The following KIAA0319 variants were observed in gnomAD, a reference collection of about 807,000 sequenced individuals.
KIAA0319 encodes the protein KIAA0319.
A neutral mutation model predicts 108.4 loss-of-function variants in KIAA0319; 83 were observed. That is an observed-to-expected ratio of 0.77 (90% confidence interval 0.64 to 0.92). The LOEUF is 0.92. KIAA0319 is among the 40% of genes least tolerant of loss of function. The pLI is 0.00. For synonymous variants in KIAA0319, 484 were observed against 510.4 expected (o/e 0.95, Z 0.70); for missense variants, 1,195 against 1,322.4 (o/e 0.90, Z 1.49).
intron 3 of KIAA0319, among the ~76,000 whole-genome samples, chr6:24,591,135 C>T: frequency 6.6e-6 from 1 of 152,156 alleles, no homozygotes; most frequent in East Asian, 1.9e-4. Context: ...TTTATTTTTC[C>T]TAGATACCCT....
chr6:24,629,738 G>A (rs1775269390), intron 1 of KIAA0319, among the ~76,000 whole-genome samples: 1 of 152,092 alleles, frequency 6.6e-6, no homozygotes, highest in African/African-American at 2.4e-5. Flanking sequence ...AATTTTTAAT[G>A]AAGGAGATTA....
chr6:24,587,805 G>A (rs1436406937), intron 4 of KIAA0319, among the ~76,000 whole-genome samples: 2 of 151,942 alleles, frequency 1.3e-5, no homozygotes, highest in South Asian at 2.1e-4. Context: ...GGCCAGGCTG[G>A]TCTTGAACTC....
rs534632526 is a variant in KIAA0319, at chr6:24,548,433, T to C, written c.3041-1090A>G. Among the ~76,000 whole-genome samples the C allele has an allele frequency of 1.2e-4, 19 of 152,308 alleles. No individual in the cohort carries two copies. The Middle Eastern group carries it at 0.01, about 82-fold the overall frequency. ...CCCACTGCAAATGACACGAACTTCC[T>C]GTGGCTCCATCCTCTTTCCCCAGTG... On this transcript the variant is annotated intron_variant, in intron 20 of 20. Transcript: ENST00000378214.
At chr6:24,618,064 A>G (rs1354892760) in intron 1 of KIAA0319, among the ~76,000 whole-genome samples, 2 of 152,148 alleles carry the variant, frequency 1.3e-5, no homozygotes, top group African/African-American at 4.8e-5. Context: ...ACCAGAAAAA[A>G]AATTTGGCCA....
chr6:24,638,544 A>C (rs867239600), intron 1 of KIAA0319, among the ~76,000 whole-genome samples: 1 of 152,138 alleles, frequency 6.6e-6, no homozygotes, highest in Admixed American at 6.6e-5. Context: ...GCAGATCACA[A>C]GGTCAGGAGA....
intron 1 of KIAA0319, among the ~76,000 whole-genome samples, chr6:24,630,702 T>C (rs867470842): frequency 5.1e-5 from 5 of 98,392 alleles, no homozygotes; most frequent in South Asian, 7.1e-4. Context: ...TATATATATA[T>C]ACACATATAC....
chr6:24,568,488 A>T (rs1247453532), intron 13 of KIAA0319, among the ~76,000 whole-genome samples: 3 of 152,260 alleles, frequency 2.0e-5, no homozygotes. Flanking sequence ...AAGGAAAAAA[A>T]GCATAATGGT....
chr6:24,592,642 G>A (rs995562735), intron 3 of KIAA0319, among the ~76,000 whole-genome samples: 4 of 152,136 alleles, frequency 2.6e-5, no homozygotes, highest in South Asian at 2.1e-4. Context: ...CAAATCTAAT[G>A]TACTTCAGAG....
intron 19 of KIAA0319, among the ~76,000 whole-genome samples, chr6:24,552,167 A>G (rs183582522): frequency 3.3e-5 from 5 of 152,356 alleles, no homozygotes; most frequent in African/African-American, 1.2e-4. Flanking sequence ...TTCTGGGAGC[A>G]TGATGATCAG....
chr6:24,563,401 G>A lies in KIAA0319; in HGVS notation c.2549C>T (p.Ser850Leu), dbSNP rs140038163. The A allele has an allele frequency of 7.8e-5, 126 of 1,613,516 alleles. No individual in the cohort carries two copies. The highest frequency in any genetic ancestry group is 9.7e-5 in the Non-Finnish European group (115 of 1,179,818). Residue 850 changes from serine to leucine, a missense_variant, in exon 16 of 21, where the codon TCG becomes TTG. Coordinates refer to ENST00000378214, the MANE Select transcript of KIAA0319 (RefSeq NM_014809.4). Reference sequence around the variant, plus strand: ...CCGAATCTTCTGGACCTTAATGTCCGAGTCCAGCACGTTCAGCAGCACAGC... The same window carrying A: ...CCGAATCTTCTGGACCTTAATGTCCAAGTCCAGCACGTTCAGCAGCACAGC... ...QLAVLLNVLD[S>L]DIKVQKIRAH...
In KIAA0319 at chr6:24,596,576, T is replaced by G; in HGVS notation, c.98A>C (p.Asn33Thr). The part of the protein sequence containing the change: ...KQCSEGRTYS[N>T]AVISPNLETT... ...TTCCAAGTTAGGTGAAATGACTGCATTGGAATATGTCCTCCCCTCGCTGCA... is the reference window on the plus strand; with the variant it reads ...TTCCAAGTTAGGTGAAATGACTGCAGTGGAATATGTCCTCCCCTCGCTGCA... The change falls in exon 3 of 21, where the codon AAT (asparagine) becomes ACT (threonine). Residue 33 changes from asparagine to threonine, a missense_variant. By Grantham distance (65) the Asn-to-Thr change is moderately conservative. Coordinates refer to ENST00000378214, the MANE Select transcript of KIAA0319 (RefSeq NM_014809.4). The G allele has an allele frequency of 6.2e-7, 1 of 1,613,274 alleles. No homozygotes were observed. The highest frequency in any genetic ancestry group is 8.5e-7 in the Non-Finnish European group (1 of 1,179,682).
rs1313811764 is a variant in KIAA0319, at chr6:24,608,872, A to G, written c.-105-7664T>C. ...CGTGAACCCGGGAGGCAGAGCTTGC[A>G]ATGAGCCAAGATCATGTCACTGCAC... On this transcript the variant is annotated intron_variant, in intron 1 of 20. Coordinates refer to ENST00000378214, the MANE Select transcript of KIAA0319 (RefSeq NM_014809.4). Among the ~76,000 whole-genome samples the G allele has an allele frequency of 2.1e-5, 3 of 141,550 alleles. No homozygotes were observed. The Admixed American group carries it at 2.2e-4, about 10-fold the overall frequency. 92.9% of individuals were successfully genotyped at this position (141,550 alleles called of 152,430 possible). A position where few individuals can be genotyped will look rare whatever the true frequency, so the allele number is the denominator to read the frequency against.
chr6:24,635,630 C>T (rs1776105867), intron 1 of KIAA0319, among the ~76,000 whole-genome samples: 1 of 152,070 alleles, frequency 6.6e-6, no homozygotes, highest in African/African-American at 2.4e-5. Context: ...GGAAAGAACC[C>T]AAAAGCAGCT....
chr6:24,594,953 GTC>G (rs1314484713), intron 3 of KIAA0319, among the ~76,000 whole-genome samples: 2 of 152,040 alleles, frequency 1.3e-5, no homozygotes, highest in Non-Finnish European at 2.9e-5. Context: ...AGTTCTCATT[GTC>G]TGTCTCCCTG....
intron 8 of KIAA0319, among the ~76,000 whole-genome samples, chr6:24,579,412 G>GATAGATATATATATATATATATATAT (rs1554157110): frequency 8.6e-5 from 11 of 127,250 alleles, no homozygotes; most frequent in African/African-American, 2.9e-4. Context: ...TCTATATAAA[G>GATAGATATATATATATATATATATAT]ATATATATAT....
intron 8 of KIAA0319, 130 bp downstream of exon 8, chr6:24,579,728 C>T: frequency 1.5e-6 from 1 of 660,744 alleles, no homozygotes; most frequent in South Asian, 2.1e-5. Flanking sequence ...AGACATAAAA[C>T]TAAAGAAGGA....
chr6:24,600,222 G>T (rs925253517), intron 2 of KIAA0319, among the ~76,000 whole-genome samples: 1 of 152,158 alleles, frequency 6.6e-6, no homozygotes, highest in African/African-American at 2.4e-5. Flanking sequence ...AAACATTAAT[G>T]AAGGTATTTT....
chr6:24,609,842 T>C (rs538081050), intron 1 of KIAA0319, among the ~76,000 whole-genome samples: 9 of 152,182 alleles, frequency 5.9e-5, no homozygotes, highest in South Asian at 2.1e-4. Flanking sequence ...GGGGAAAGAA[T>C]AGTCTTTTCA....
intron 1 of KIAA0319, among the ~76,000 whole-genome samples, chr6:24,620,921 T>C (rs1773847827): frequency 6.6e-6 from 1 of 152,226 alleles, no homozygotes; most frequent in African/African-American, 2.4e-5. Flanking sequence ...CCTATGCGTA[T>C]GCCTAGGAAT....
Sources: gnomAD v4.1 joint callset for allele counts (sites outside exome capture counted in the v4.1 genomes callset) on GRCh38, gnomAD v4.1.1 for gene constraint, MANE v1.5 for transcripts, NCBI Gene and HGNC (gene_info 2026-07-23, HGNC 2026-07-21) for gene names.